Variants in MGMT observed in about 807,000 individuals in gnomAD.
The protein encoded by MGMT is methylated-DNA--protein-cysteine methyltransferase.
MGMT carries 14 observed loss-of-function variants against 15.9 expected under a neutral mutation model. The observed-to-expected ratio is 0.88, with a 90% CI of 0.58 to 1.37. The LOEUF is 1.37. Ranked by LOEUF, MGMT falls within the 40% of genes most tolerant of loss-of-function variation. The pLI, the probability that MGMT is intolerant of heterozygous loss-of-function variation, is 0.00. For missense variants in MGMT, 282 were observed against 268.1 expected, an observed-to-expected ratio of 1.05 and a Z score of -0.36; for synonymous variants, 130 against 118.2, an observed-to-expected ratio of 1.10 and a Z score of -0.65.
chr10:129,595,018 C>T (rs145287924), intron 2 of MGMT, among the ~76,000 whole-genome samples: 16 of 152,316 alleles, frequency 1.1e-4, no homozygotes, highest in Admixed American at 1.0e-3. Flanking sequence ...TCACCCCTGC[C>T]GTCTCTCGGG....
chr10:129,731,056 C>G (rs7898934), intron 3 of MGMT, among the ~76,000 whole-genome samples: 3 of 152,062 alleles, frequency 2.0e-5, no homozygotes, highest in African/African-American at 7.2e-5. Flanking sequence ...TGTCACTAGG[C>G]GCCCCACACT....
chr10:129,533,378 C>G lies in MGMT; in HGVS notation c.-12-2863C>G, dbSNP rs573845466. 6.6e-6 allele frequency among the ~76,000 whole-genome samples: 1 copy of G among 152,298 alleles called. No homozygotes were observed. The highest frequency in any genetic ancestry group is 1.9e-4 in the East Asian group (1 of 5,172). ...TGCTCGGGGCTGGCCAGGATCCCCA[C>G]CTGAGTCTGGAGCCCTGAGCCCAGG... is the stretch of plus-strand genomic sequence containing the variant. On this transcript the variant is annotated intron_variant, in intron 1 of 4. Coordinates refer to ENST00000651593, the MANE Select transcript of MGMT (RefSeq NM_002412.5). This position sits in a 1 kb window ranked among gnomAD's most constrained non-coding sequence, Gnocchi z 4.5.
In MGMT at chr10:129,702,123, G is replaced by A. The variant is rs1457045211; in HGVS notation, c.126-5772G>A. On this transcript the variant is annotated intron_variant, in intron 2 of 4. Transcript: ENST00000651593. ...GCAGCTTCCCACAGACGGCAACTCC[G>A]GGAGAATATCACCGGGGCCTTCCAG... 5.3e-5 allele frequency: 8 copies of A among 152,172 alleles called. 1 individual carries two copies. Among genetic ancestry groups the A allele is most frequent in the Admixed American group, 3.3e-4 (5 of 15,280 alleles). The allele number at this position is 152,172 out of a possible 1,614,324, so 9.4% of individuals were successfully genotyped here.
intron 1 of MGMT, among the ~76,000 whole-genome samples, chr10:129,487,875 T>C (rs1845424601): frequency 6.6e-6 from 1 of 151,100 alleles, no homozygotes; most frequent in South Asian, 2.1e-4. Flanking sequence ...TCCTAGACAT[T>C]GAGAGACTGT....
chr10:129,575,832 A>G (rs1281575766), intron 2 of MGMT, among the ~76,000 whole-genome samples: 1 of 152,168 alleles, frequency 6.6e-6, no homozygotes, highest in Non-Finnish European at 1.5e-5. Flanking sequence ...AATAGACGCA[A>G]TAAAAAATGA....
intron 1 of MGMT, among the ~76,000 whole-genome samples, chr10:129,485,339 T>G (rs376781724): frequency 1.9e-4 from 29 of 152,284 alleles, no homozygotes; most frequent in African/African-American, 6.5e-4. Context: ...ACCCACTGGT[T>G]TTGTGCCAGA....
chr10:129,730,166 C>T (rs1042522518), intron 3 of MGMT, among the ~76,000 whole-genome samples: 1 of 152,146 alleles, frequency 6.6e-6, no homozygotes, highest in Admixed American at 6.5e-5. Flanking sequence ...AGCCTACATA[C>T]TTAGGTTCTT....
intron 2 of MGMT, among the ~76,000 whole-genome samples, chr10:129,611,326 T>C (rs1199332920): frequency 6.6e-6 from 1 of 152,040 alleles, no homozygotes; most frequent in Non-Finnish European, 1.5e-5. Context: ...AGCAAACACA[T>C]CCTCATGGAT....
chr10:129,537,032 T>C (rs539459580), intron 2 of MGMT: 1 of 152,302 alleles, frequency 6.6e-6, no homozygotes, highest in South Asian at 2.1e-4. Context: ...ATTTCTCTAA[T>C]TGCAAAAACG....
intron 2 of MGMT, among the ~76,000 whole-genome samples, chr10:129,572,332 A>G (rs1223207766): frequency 6.6e-6 from 1 of 152,242 alleles, no homozygotes; most frequent in Non-Finnish European, 1.5e-5. Flanking sequence ...TTCAAATCTT[A>G]GATTAACACT....
At chr10:129,731,843 G>A (rs979430028) in intron 3 of MGMT, among the ~76,000 whole-genome samples, 1 of 152,212 alleles carries the variant, frequency 6.6e-6, no homozygotes, top group Non-Finnish European at 1.5e-5. Context: ...AGAATGGAAT[G>A]CCTTGATGCC....
At chr10:129,724,010 C>T (rs1848404938) in intron 3 of MGMT, among the ~76,000 whole-genome samples, 2 of 152,192 alleles carry the variant, frequency 1.3e-5, no homozygotes, top group South Asian at 4.1e-4. Flanking sequence ...CCCAACAATT[C>T]CACTCTAGGG....
intron 2 of MGMT, among the ~76,000 whole-genome samples, chr10:129,598,428 G>A (rs1470915239): frequency 5.7e-5 from 4 of 70,770 alleles, no homozygotes. Context: ...GTAGGCCTGG[G>A]GTGGGCCTGG....
chr10:129,628,722 C>G (rs1847178548), intron 2 of MGMT, among the ~76,000 whole-genome samples: 1 of 152,216 alleles, frequency 6.6e-6, no homozygotes, highest in South Asian at 2.1e-4. Flanking sequence ...ACAAGTAGAG[C>G]TCAGACTGCT....
intron 1 of MGMT, among the ~76,000 whole-genome samples, chr10:129,504,477 A>G (rs933059783): frequency 2.6e-5 from 4 of 152,200 alleles, no homozygotes; most frequent in African/African-American, 9.6e-5. Flanking sequence ...TTAGATTTGA[A>G]TGTGTTGCAG....
intron 3 of MGMT, among the ~76,000 whole-genome samples, chr10:129,738,278 C>T (rs957278121): frequency 5.9e-5 from 9 of 152,182 alleles, no homozygotes; most frequent in Admixed American, 2.0e-4. Context: ...TTAAGCCCGT[C>T]GGAAAAGGGC....
chr10:129,500,575 AT>A (rs1183009549), intron 1 of MGMT, among the ~76,000 whole-genome samples: 2 of 152,060 alleles, frequency 1.3e-5, no homozygotes, highest in African/African-American at 4.8e-5. Flanking sequence ...TTATTTATTT[AT>A]TTTGAGATAG....
chr10:129,469,746 G>T (rs1231199543), intron 1 of MGMT, among the ~76,000 whole-genome samples: 2 of 152,094 alleles, frequency 1.3e-5, no homozygotes, highest in African/African-American at 4.8e-5. Flanking sequence ...TTGGTCTTTC[G>T]CCCAGGCTGG....
chr10:129,628,304 A>G (rs1405186986), intron 2 of MGMT, among the ~76,000 whole-genome samples: 1 of 152,252 alleles, frequency 6.6e-6, no homozygotes, highest in Non-Finnish European at 1.5e-5. Flanking sequence ...TTTATCATAC[A>G]TGTTTTGGAA....
Sources: gnomAD v4.1 joint callset for allele counts (sites outside exome capture counted in the v4.1 genomes callset) on GRCh38, gnomAD v4.1.1 for gene constraint, Gnocchi (gnomAD v3.1) non-coding constraint, MANE v1.5 for transcripts, NCBI Gene and HGNC (gene_info 2026-07-23, HGNC 2026-07-21) for gene names.